IMMP2L: variants seen among roughly 807,000 people sequenced by gnomAD.
IMMP2L encodes mitochondrial inner membrane protease subunit 2.
A neutral mutation model predicts 19.3 loss-of-function variants in IMMP2L; 18 were observed. That is an observed-to-expected ratio of 0.93 (90% confidence interval 0.64 to 1.38). The LOEUF is 1.38. IMMP2L is among the 40% of genes most tolerant of loss of function. The pLI is 0.00. For missense variants in IMMP2L, 233 were observed against 218.2 expected (o/e 1.07, Z -0.43); for synonymous variants, 76 against 73.0 (o/e 1.04, Z -0.21).
intron 3 of IMMP2L, among the ~76,000 whole-genome samples, chr7:111,119,078 A>T (rs1756561815): frequency 6.6e-6 from 1 of 152,156 alleles, no homozygotes; most frequent in African/African-American, 2.4e-5. Context: ...ATATTTCCAA[A>T]CCTCTAGTTA....
intron 3 of IMMP2L, among the ~76,000 whole-genome samples, chr7:111,275,917 T>C (rs1417399646): frequency 5.9e-5 from 9 of 152,148 alleles, no homozygotes; most frequent in Non-Finnish European, 1.0e-4. Flanking sequence ...CTGAATCCAT[T>C]GATCAATTCT....
chr7:110,755,589 G>A (rs1797990707), intron 5 of IMMP2L, among the ~76,000 whole-genome samples: 1 of 152,080 alleles, frequency 6.6e-6, no homozygotes, highest in Admixed American at 6.6e-5. Flanking sequence ...TTTAAAAAAT[G>A]TCTCTTCTCT....
At chr7:111,110,054 G>C (rs1799016267) in intron 3 of IMMP2L, among the ~76,000 whole-genome samples, 1 of 152,184 alleles carries the variant, frequency 6.6e-6, no homozygotes, top group Non-Finnish European at 1.5e-5. Context: ...AGAATCGCTT[G>C]AACCCAGGAG....
At chr7:111,158,433 G>C (rs937112947) in intron 3 of IMMP2L, among the ~76,000 whole-genome samples, 2 of 152,010 alleles carry the variant, frequency 1.3e-5, no homozygotes, top group Admixed American at 1.3e-4. Flanking sequence ...ACTAAACACT[G>C]TTCACTACAT....
At chr7:110,823,408 C>A (rs1360192901) in intron 5 of IMMP2L, among the ~76,000 whole-genome samples, 1 of 151,572 alleles carries the variant, frequency 6.6e-6, no homozygotes, top group Non-Finnish European at 1.5e-5. Flanking sequence ...ATTACTCAAC[C>A]CAAAAAGCAG....
intron 5 of IMMP2L, among the ~76,000 whole-genome samples, chr7:110,734,691 G>A (rs1413108226): frequency 1.3e-5 from 2 of 150,622 alleles, no homozygotes; most frequent in Non-Finnish European, 2.9e-5. Context: ...CAGGCAGACA[G>A]TTAGGGTGGG....
chr7:111,201,794 T>C (rs1810165703), intron 3 of IMMP2L, among the ~76,000 whole-genome samples: 2 of 151,218 alleles, frequency 1.3e-5, no homozygotes, highest in South Asian at 4.2e-4. Context: ...CCCTCATGAA[T>C]GAGATTAGTG....
At chr7:110,704,006 C>T (rs7803623) in intron 5 of IMMP2L, among the ~76,000 whole-genome samples, 3,562 of 152,016 alleles carry the variant, frequency 0.023, 85 homozygotes, top group African/African-American at 0.063. Context: ...CCACCACACC[C>T]GGCTAATTTT....
At chr7:110,910,377 TA>T (rs1049789201) in intron 4 of IMMP2L, among the ~76,000 whole-genome samples, 1 of 152,168 alleles carries the variant, frequency 6.6e-6, no homozygotes, top group African/African-American at 2.4e-5. Context: ...ATCAAATTAA[TA>T]AAATGAATCT....
intron 4 of IMMP2L, among the ~76,000 whole-genome samples, chr7:110,930,247 A>C (rs1417756315): frequency 6.6e-6 from 1 of 152,070 alleles, no homozygotes; most frequent in African/African-American, 2.4e-5. Flanking sequence ...TCCTCCACCA[A>C]GTTATTCCAC....
At chr7:111,257,011 A>G (rs778470847) in intron 3 of IMMP2L, among the ~76,000 whole-genome samples, 2 of 152,140 alleles carry the variant, frequency 1.3e-5, no homozygotes, top group Non-Finnish European at 2.9e-5. Flanking sequence ...GTAGACCTAC[A>G]CAATTATATT....
chr7:111,048,375 C>T (rs1036538412), intron 3 of IMMP2L, among the ~76,000 whole-genome samples: 3 of 151,886 alleles, frequency 2.0e-5, no homozygotes, highest in Non-Finnish European at 4.4e-5. Flanking sequence ...CTGGACTCTG[C>T]AAGCAGTGAG....
At chr7:111,255,684 G>C (rs2129633245) in intron 3 of IMMP2L, among the ~76,000 whole-genome samples, 1 of 152,120 alleles carries the variant, frequency 6.6e-6, no homozygotes, top group East Asian at 1.9e-4. Context: ...TCCAGGATCT[G>C]AAAGATAAAA....
chr7:111,217,509 A>G (rs2129619925), intron 3 of IMMP2L, among the ~76,000 whole-genome samples: 1 of 152,268 alleles, frequency 6.6e-6, no homozygotes, highest in South Asian at 2.1e-4. Context: ...TTTAGCCTAC[A>G]GCAGAGCAGA....
intron 3 of IMMP2L, among the ~76,000 whole-genome samples, chr7:111,353,769 C>T (rs987046351): frequency 8.6e-5 from 13 of 152,038 alleles, no homozygotes; most frequent in African/African-American, 2.4e-5. Flanking sequence ...TCAGAATATA[C>T]AACTTAATAT....
chr7:111,454,613 CTTA>C (rs1310354339), intron 3 of IMMP2L, among the ~76,000 whole-genome samples: 1 of 151,874 alleles, frequency 6.6e-6, no homozygotes, highest in African/African-American at 2.4e-5. Context: ...TAAGATTCTT[CTTA>C]TAATTTTTAT....
At chr7:111,023,224 G>A (rs953155257) in intron 3 of IMMP2L, among the ~76,000 whole-genome samples, 1 of 152,124 alleles carries the variant, frequency 6.6e-6, no homozygotes, top group Non-Finnish European at 1.5e-5. Flanking sequence ...AGGGATTATT[G>A]AAAGTAAGCT....
intron 2 of IMMP2L, among the ~76,000 whole-genome samples, chr7:111,496,475 C>T (rs1006585245): frequency 6.6e-6 from 1 of 152,064 alleles, no homozygotes; most frequent in Non-Finnish European, 1.5e-5. Context: ...GAGAGATTGG[C>T]CTTTGAAGCA....
chr7:111,370,142 T>C (rs1362133831), intron 3 of IMMP2L, among the ~76,000 whole-genome samples: 3 of 152,040 alleles, frequency 2.0e-5, no homozygotes, highest in Non-Finnish European at 2.9e-5. Context: ...ACCTGTGTTG[T>C]CATGTGAAAC....
Sources: gnomAD v4.1 joint callset for allele counts (sites outside exome capture counted in the v4.1 genomes callset) on GRCh38, gnomAD v4.1.1 for gene constraint, MANE v1.5 for transcripts, NCBI Gene and HGNC (gene_info 2026-07-23, HGNC 2026-07-21) for gene names.